The following ZNF638 variants were observed in gnomAD, a reference collection of about 807,000 sequenced individuals.
The protein encoded by ZNF638 is CTCL tumor antigen se33-1.
A neutral mutation model predicts 195.6 loss-of-function variants in ZNF638; 46 were observed. The observed-to-expected ratio is 0.24, with a 90% CI of 0.19 to 0.30. ZNF638 has a LOEUF of 0.30. Ranked by LOEUF, ZNF638 falls within the 10% of genes least tolerant of loss-of-function variation. The probability of loss-of-function intolerance (pLI) is 1.00; values close to 1 mark genes in which losing one functional copy is unlikely to be tolerated. For synonymous variants in ZNF638, 845 were observed against 772.0 expected (o/e 1.09, Z -1.57); for missense variants, 2,440 against 2,325.3 (o/e 1.05, Z -1.01).
chr2:71,337,827 AGTT>A (rs1316539687), intron 1 of ZNF638, among the ~76,000 whole-genome samples: 6 of 134,062 alleles, frequency 4.5e-5, no homozygotes, highest in African/African-American at 8.0e-5. Flanking sequence ...TGTTGCATTT[AGTT>A]GTTATGTCTT....
At chr2:71,355,188 A>G (rs556563384) in intron 2 of ZNF638, among the ~76,000 whole-genome samples, 38 of 151,906 alleles carry the variant, frequency 2.5e-4, no homozygotes, top group African/African-American at 8.9e-4. Context: ...GATCTCCTGA[A>G]CTCGTGATCC....
At position 71,349,097 on chromosome 2, in the gene ZNF638, C is replaced by T. The variant is rs2078900914; in HGVS notation, c.143C>T (p.Ala48Val). The T allele has an allele frequency of 6.2e-7, 1 of 1,614,038 alleles. No individual in the cohort carries two copies. Among genetic ancestry groups the T allele is most frequent in the Admixed American group, 1.7e-5 (1 of 60,000 alleles). ...CCAAGATTTTACCCAGCAGGGAGAG[C>T]ACGTGGAATTCCACACAGATTTGCT... Reference protein sequence around the residue: ...GLPRFYPAGRARGIPHRFAGH... With the variant: ...GLPRFYPAGRVRGIPHRFAGH... Residue 48 changes from alanine to valine, a missense_variant, in exon 2 of 28, where the codon GCA becomes GTA. By Grantham distance (64) the Ala-to-Val change is moderately conservative. Coordinates refer to ENST00000264447, the MANE Select transcript of ZNF638 (RefSeq NM_014497.5).
chr2:71,419,905 G>A (rs2080388733), intron 21 of ZNF638, among the ~76,000 whole-genome samples: 2 of 133,674 alleles, frequency 1.5e-5, no homozygotes, highest in Admixed American at 8.0e-5. Context: ...ATTTATAGAT[G>A]TATTCAACCT....
At chr2:71,370,473 G>T (rs973816112) in intron 8 of ZNF638, among the ~76,000 whole-genome samples, 5 of 151,996 alleles carry the variant, frequency 3.3e-5, no homozygotes, top group Non-Finnish European at 5.9e-5. Context: ...ATCAAGTTTT[G>T]TAACTTTAAT....
At chr2:71,385,634 A>G (rs766500846) in intron 10 of ZNF638, among the ~76,000 whole-genome samples, 2 of 152,208 alleles carry the variant, frequency 1.3e-5, no homozygotes, top group African/African-American at 2.4e-5. Context: ...TACACATTAC[A>G]TGTAAAATGA....
chr2:71,395,615 T>A, intron 10 of ZNF638: 1 of 562,702 alleles, frequency 1.8e-6, no homozygotes, highest in South Asian at 1.5e-5. Flanking sequence ...GGGTGACAAT[T>A]ACCTACAGAT....
At chr2:71,429,281 TC>T (rs1452356700) in intron 25 of ZNF638, among the ~76,000 whole-genome samples, 6 of 152,200 alleles carry the variant, frequency 3.9e-5, no homozygotes, top group African/African-American at 7.2e-5. Context: ...TTCTTTCCTA[TC>T]CTATCTTCTT....
At chr2:71,425,361 A>C (rs1179462915) in intron 23 of ZNF638, among the ~76,000 whole-genome samples, 2 of 152,178 alleles carry the variant, frequency 1.3e-5, no homozygotes, top group Non-Finnish European at 2.9e-5. Flanking sequence ...TATGGCTACT[A>C]AAGCAGAAGT....
intron 8 of ZNF638, among the ~76,000 whole-genome samples, chr2:71,376,737 T>C (rs1232985200): frequency 6.6e-6 from 1 of 152,124 alleles, no homozygotes; most frequent in African/African-American, 2.4e-5. Flanking sequence ...CCTATATCCC[T>C]ATGTTAATAT....
chr2:71,417,941 G>A (rs377564068), intron 20 of ZNF638, among the ~76,000 whole-genome samples: 4 of 152,150 alleles, frequency 2.6e-5, no homozygotes, highest in Non-Finnish European at 2.9e-5. Context: ...CCCAGAGAGT[G>A]CATGATTTCT....
chr2:71,408,298 A>C (rs180887493), intron 20 of ZNF638, 51 bp downstream of exon 20: 1 of 1,579,596 alleles, frequency 6.3e-7, no homozygotes, highest in Admixed American at 1.9e-5. Flanking sequence ...TACAGAGAAC[A>C]TAAAGGTCAT....
chr2:71,371,869 C>G (rs554410569), intron 8 of ZNF638, among the ~76,000 whole-genome samples: 2 of 151,838 alleles, frequency 1.3e-5, no homozygotes, highest in East Asian at 3.9e-4. Flanking sequence ...TGTGGGTTGT[C>G]TGTTGTTTCC....
In ZNF638 at chr2:71,396,143, A is replaced by C. The variant is rs1056650773; in HGVS notation, c.2380A>C (p.Lys794Gln). The C allele has an allele frequency of 4.3e-6, 7 of 1,612,834 alleles. No individual in the cohort carries two copies. In the African/African-American group the frequency reaches 8.0e-5, roughly 18 times the overall value. Residue 794 changes from lysine to glutamine, a missense_variant and splice_region_variant, in exon 11 of 28, where the codon AAA becomes CAA. This residue lies in a region of ZNF638 where 1,883 missense variants were observed against 1,739.1 expected (regional missense o/e 1.08). Transcript: ENST00000264447. Reference sequence around the variant, plus strand: ...AAATGTTTTTCTTGTTGTTTTAGCCAAAACTGGACAAGCCAAGGCATCTGT... The same window carrying C: ...AAATGTTTTTCTTGTTGTTTTAGCCCAAACTGGACAAGCCAAGGCATCTGT... ...VEIVTSTSAAKTGQAKASVAK... is the reference protein window; with the variant it reads ...VEIVTSTSAAQTGQAKASVAK...
chr2:71,374,721 C>T (rs935083805), intron 8 of ZNF638: 1 of 152,150 alleles, frequency 6.6e-6, no homozygotes, highest in Admixed American at 6.5e-5. Context: ...AGTTTGAGAC[C>T]AGCGTGGGGC....
chr2:71,408,504 A>T, intron 20 of ZNF638: 1 of 384,184 alleles, frequency 2.6e-6, no homozygotes. Flanking sequence ...ATTTTTGTGT[A>T]TAGTGACTCT....
At chr2:71,426,401 G>A in intron 23 of ZNF638, 59 bp from the exon 24 acceptor site, 3 of 1,230,992 alleles carry the variant, frequency 2.4e-6, no homozygotes, top group Non-Finnish European at 3.4e-6. Flanking sequence ...GTGACTATTT[G>A]GAATCTAGCC....
At chr2:71,346,959 G>A (rs545464711) in intron 1 of ZNF638, among the ~76,000 whole-genome samples, 1 of 152,208 alleles carries the variant, frequency 6.6e-6, no homozygotes, top group African/African-American at 2.4e-5. Context: ...AAGAGGTGGA[G>A]GTTGCAGTGA....
intron 26 of ZNF638, 147 bp downstream of exon 26, chr2:71,431,575 C>T (rs575544053): frequency 4.4e-5 from 28 of 630,954 alleles, no homozygotes; most frequent in Admixed American, 3.3e-4. Context: ...CTGGCTAACA[C>T]GGTGAAACCC....
chr2:71,348,144 C>G (rs1402690747), intron 1 of ZNF638, among the ~76,000 whole-genome samples: 1 of 152,174 alleles, frequency 6.6e-6, no homozygotes, highest in Non-Finnish European at 1.5e-5. Context: ...ATAACGAATT[C>G]CATGCCATTG....
Sources: gnomAD v4.1 joint callset for allele counts (sites outside exome capture counted in the v4.1 genomes callset) on GRCh38, gnomAD v4.1.1 for gene constraint, gnomAD v4.1.1 regional missense constraint, MANE v1.5 for transcripts, NCBI Gene and HGNC (gene_info 2026-07-23, HGNC 2026-07-21) for gene names.